Variants in NAV3 observed in about 807,000 individuals in gnomAD.
NAV3 encodes the protein neuron navigator 3.
In NAV3, 87 loss-of-function variants were observed where a neutral mutation model predicts 244.7. The ratio of observed to expected loss-of-function variants is 0.36; its 90% confidence interval spans 0.30 to 0.42. The LOEUF is 0.42. Among genes scored for constraint, NAV3 ranks in the 20% least tolerant of loss-of-function variants. The probability of loss-of-function intolerance (pLI) is 1.00; values close to 1 mark genes in which losing one functional copy is unlikely to be tolerated. For missense variants in NAV3, 2,663 were observed against 2,893.3 expected (o/e 0.92, Z 1.83); for synonymous variants, 1,126 against 1,042.2 (o/e 1.08, Z -1.55).
chr12:77,977,154 G>T (rs1319794545), intron 5 of NAV3, among the ~76,000 whole-genome samples: 1 of 152,104 alleles, frequency 6.6e-6, no homozygotes, highest in African/African-American at 2.4e-5. Context: ...ATGTAAGTAG[G>T]ATGAGGACTG....
chr12:77,623,949 C>A (rs573199935), intron 2 of NAV3, among the ~76,000 whole-genome samples: 1 of 152,160 alleles, frequency 6.6e-6, no homozygotes, highest in Non-Finnish European at 1.5e-5. Flanking sequence ...CTAAACTCAT[C>A]CATTCTTTCA....
At chr12:78,013,392 A>G (rs1235059218) in intron 8 of NAV3, among the ~76,000 whole-genome samples, 1 of 152,140 alleles carries the variant, frequency 6.6e-6, no homozygotes, top group Non-Finnish European at 1.5e-5. Context: ...AGCTATTGGA[A>G]TCAGGGAAAG....
At chr12:78,176,052 G>C (rs1229313790) in intron 25 of NAV3, among the ~76,000 whole-genome samples, 1 of 151,942 alleles carries the variant, frequency 6.6e-6, no homozygotes, top group East Asian at 1.9e-4. Context: ...ATTAGTGTCT[G>C]CTTGATGTTT....
At chr12:77,673,101 T>A (rs1874059971) in intron 2 of NAV3, among the ~76,000 whole-genome samples, 1 of 152,178 alleles carries the variant, frequency 6.6e-6, no homozygotes, top group African/African-American at 2.4e-5. Context: ...CTATATACAT[T>A]TTTACTTTTT....
intron 6 of NAV3, among the ~76,000 whole-genome samples, chr12:77,997,444 A>T (rs185746300): frequency 6.6e-6 from 1 of 152,284 alleles, no homozygotes; most frequent in East Asian, 1.9e-4. Flanking sequence ...AATGATCGAA[A>T]CTGATATTTT....
intron 12 of NAV3, 150 bp downstream of exon 12, chr12:78,059,265 G>T (rs185419576): frequency 2.6e-6 from 2 of 782,612 alleles, no homozygotes; most frequent in Admixed American, 4.2e-5. Context: ...ATTATTTAGG[G>T]TTTTTTTGTT....
intron 2 of NAV3, among the ~76,000 whole-genome samples, chr12:77,684,409 G>A (rs1874618509): frequency 6.6e-6 from 1 of 151,406 alleles, no homozygotes; most frequent in Non-Finnish European, 1.5e-5. Context: ...CTTGTTTTTT[G>A]ACAGTGTTTT....
At chr12:78,129,492 T>C (rs1956069537) in intron 18 of NAV3, among the ~76,000 whole-genome samples, 1 of 152,186 alleles carries the variant, frequency 6.6e-6, no homozygotes, top group Non-Finnish European at 1.5e-5. Flanking sequence ...ACTTAGTCAT[T>C]GGGTTACTTT....
intron 9 of NAV3, among the ~76,000 whole-genome samples, chr12:78,045,657 A>G (rs1327525598): frequency 6.6e-6 from 1 of 152,106 alleles, no homozygotes; most frequent in African/African-American, 2.4e-5. Flanking sequence ...GGATTTTTAC[A>G]TCGATGTTCA....
At chr12:77,789,833 A>AAAAAAG in intron 2 of NAV3, among the ~76,000 whole-genome samples, 1 of 146,054 alleles carries the variant, frequency 6.8e-6, no homozygotes, top group Non-Finnish European at 1.5e-5. Flanking sequence ...AAAAAAAAAA[A>AAAAAAG]AAAGAGAACA....
At chr12:78,187,964 A>G (rs112472966) in intron 31 of NAV3, among the ~76,000 whole-genome samples, 1 of 151,920 alleles carries the variant, frequency 6.6e-6, no homozygotes. Context: ...TGCCTTCTAC[A>G]GAACAGGTCA....
chr12:78,062,305 A>G (rs1884435107), intron 12 of NAV3, among the ~76,000 whole-genome samples: 1 of 152,152 alleles, frequency 6.6e-6, no homozygotes, highest in Non-Finnish European at 1.5e-5. Context: ...AATTATACAT[A>G]TGAAAAAATT....
At chr12:77,607,197 T>C (rs984354358) in intron 2 of NAV3, among the ~76,000 whole-genome samples, 1 of 152,096 alleles carries the variant, frequency 6.6e-6, no homozygotes. Flanking sequence ...CTGTTGGTAA[T>C]AACACTGGCT....
intron 2 of NAV3, among the ~76,000 whole-genome samples, chr12:77,605,922 G>C (rs78084627): frequency 0.013 from 1,925 of 151,972 alleles, 19 homozygotes; most frequent in East Asian, 0.02. Context: ...GCCTTGCCTT[G>C]CTTTCATATT....
rs1009336278 is a variant in NAV3 at position 77,872,865 on chromosome 12, T to C, written c.243+41161T>C. Among the ~76,000 whole-genome samples the C allele has an allele frequency of 4.6e-5, 7 of 152,324 alleles. No individual in the cohort carries two copies. The South Asian group carries it at 1.2e-3, about 27-fold the overall frequency. On this transcript the variant is annotated intron_variant, in intron 1 of 39. Coordinates refer to ENST00000397909, the MANE Select transcript of NAV3 (RefSeq NM_001024383.2). ...TGCTCTTTAGAGAATTTGAAAAATA[T>C]AGAAAAAAGTTTTTACAAACCTTTA... is the stretch of plus-strand genomic sequence containing the variant.
intron 2 of NAV3, among the ~76,000 whole-genome samples, chr12:77,713,689 C>T (rs1876227202): frequency 6.6e-6 from 1 of 151,904 alleles, no homozygotes; most frequent in East Asian, 1.9e-4. Context: ...CCTATTGCAC[C>T]CTTGCATTTT....
chr12:77,890,419 T>C (rs1331605778), intron 1 of NAV3, among the ~76,000 whole-genome samples: 1 of 152,112 alleles, frequency 6.6e-6, no homozygotes, highest in Non-Finnish European at 1.5e-5. Flanking sequence ...CCAGCCTCAG[T>C]TGAATTTTTT....
intron 12 of NAV3, among the ~76,000 whole-genome samples, chr12:78,069,177 ATAGT>A (rs1231680432): frequency 1.3e-5 from 2 of 151,974 alleles, no homozygotes; most frequent in African/African-American, 4.8e-5. Context: ...TGCATTTTAA[ATAGT>A]TAAAGTTATT....
intron 2 of NAV3, among the ~76,000 whole-genome samples, chr12:77,807,688 G>A (rs1872055133): frequency 6.6e-6 from 1 of 152,112 alleles, no homozygotes; most frequent in Non-Finnish European, 1.5e-5. Flanking sequence ...TATCTTTGTG[G>A]TGTTCTCTGT....
Sources: gnomAD v4.1 joint callset for allele counts (sites outside exome capture counted in the v4.1 genomes callset) on GRCh38, gnomAD v4.1.1 for gene constraint, MANE v1.5 for transcripts, NCBI Gene and HGNC (gene_info 2026-07-23, HGNC 2026-07-21) for gene names.